The following TSPEAR variants were observed in gnomAD, a reference collection of about 807,000 sequenced individuals.
The protein encoded by TSPEAR is thrombospondin type laminin G domain and EAR repeats.
Under a neutral mutation model 71.6 loss-of-function variants are expected in TSPEAR, and 69 were observed. The observed-to-expected ratio is 0.96, with a 90% CI of 0.79 to 1.18. The LOEUF is 1.18. Ranked by LOEUF, TSPEAR falls within the 50% of genes most tolerant of loss-of-function variation. The probability of loss-of-function intolerance (pLI) is 0.00; values close to 1 mark genes in which losing one functional copy is unlikely to be tolerated. For synonymous variants in TSPEAR, 402 were observed against 387.2 expected (o/e 1.04, Z -0.45); for missense variants, 971 against 894.9 (o/e 1.09, Z -1.09).
intron 1 of TSPEAR, among the ~76,000 whole-genome samples, chr21:44,689,132 C>T (rs1047365575): frequency 1.3e-5 from 2 of 152,104 alleles, no homozygotes; most frequent in South Asian, 2.1e-4. Context: ...GGGAAGCCAG[C>T]GGCACGAAAA....
chr21:44,629,743 C>T (rs1983144453), intron 1 of TSPEAR, among the ~76,000 whole-genome samples: 1 of 152,228 alleles, frequency 6.6e-6, no homozygotes, highest in East Asian at 1.9e-4. Flanking sequence ...GACTCCTTCA[C>T]CTGCTGAACA....
chr21:44,551,463 G>C, intron 2 of TSPEAR: 12 of 1,602,954 alleles, frequency 7.5e-6, no homozygotes, highest in Non-Finnish European at 1.0e-5. Flanking sequence ...GGCCATGCTG[G>C]AGTGGGGAGG....
intron 1 of TSPEAR, among the ~76,000 whole-genome samples, chr21:44,587,024 G>A (rs782201921): frequency 1.3e-5 from 2 of 152,128 alleles, no homozygotes; most frequent in Non-Finnish European, 2.9e-5. Flanking sequence ...ACATAGTACT[G>A]GAAGTCCTAG....
intron 5 of TSPEAR, 116 bp downstream of exon 5, chr21:44,529,682 T>G: frequency 8.4e-7 from 1 of 1,190,142 alleles, no homozygotes; most frequent in Non-Finnish European, 1.2e-6. Flanking sequence ...GTAGCAGTGA[T>G]GAGGGGGGCA....
chr21:44,570,872 G>T (rs190424091), intron 1 of TSPEAR, among the ~76,000 whole-genome samples: 1 of 152,174 alleles, frequency 6.6e-6, no homozygotes, highest in African/African-American at 2.4e-5. Context: ...ACAACACCAC[G>T]TGTTGTTTAT....
chr21:44,518,865 C>T (rs2052669395), intron 9 of TSPEAR: 2 of 359,780 alleles, frequency 5.6e-6, no homozygotes, highest in Admixed American at 3.5e-5. Flanking sequence ...GCAGGGCGCA[C>T]GTTCATGTCA....
intron 1 of TSPEAR, among the ~76,000 whole-genome samples, chr21:44,578,534 T>C (rs1978619919): frequency 6.6e-6 from 1 of 152,032 alleles, no homozygotes. Context: ...TCGGCGAGGG[T>C]GCTAGGGATT....
intron 10 of TSPEAR, 173 bp downstream of exon 10, chr21:44,509,026 A>G (rs587652105): frequency 6.9e-7 from 1 of 1,451,364 alleles, no homozygotes; most frequent in Non-Finnish European, 9.4e-7. Context: ...AGGCCAGGAA[A>G]GTCCCCAGGC....
chr21:44,661,944 A>C (rs1190641356), intron 1 of TSPEAR, among the ~76,000 whole-genome samples: 2 of 152,204 alleles, frequency 1.3e-5, no homozygotes, highest in South Asian at 2.1e-4. Flanking sequence ...ACAATTCAAC[A>C]TGAGATTTGG....
chr21:44,584,702 T>C (rs2146109294), intron 1 of TSPEAR, among the ~76,000 whole-genome samples: 1 of 152,342 alleles, frequency 6.6e-6, no homozygotes, highest in African/African-American at 2.4e-5. Flanking sequence ...CTCTGTCTTC[T>C]TCTGAGCTCT....
At chr21:44,652,984 G>A (rs782709068) in intron 1 of TSPEAR, among the ~76,000 whole-genome samples, 13 of 151,684 alleles carry the variant, frequency 8.6e-5, no homozygotes, top group South Asian at 2.1e-4. Flanking sequence ...GTGAAACCCC[G>A]TCTCTACTAA....
intron 8 of TSPEAR, among the ~76,000 whole-genome samples, chr21:44,523,322 G>A (rs368734457): frequency 5.9e-5 from 9 of 152,010 alleles, no homozygotes; most frequent in African/African-American, 1.9e-4. Flanking sequence ...AGTCAGTCAG[G>A]TAGGTAGTCA....
intron 1 of TSPEAR, among the ~76,000 whole-genome samples, chr21:44,708,055 AC>A (rs1988030231): frequency 2.1e-5 from 3 of 141,372 alleles, no homozygotes; most frequent in Non-Finnish European, 4.6e-5. Context: ...ACCACACAGC[AC>A]GAGGCGACAG....
rs188356841 is a variant in TSPEAR, at chr21:44,539,430, G to A, written c.304-5507C>T. On this transcript the variant is annotated intron_variant, in intron 2 of 11. Coordinates refer to ENST00000323084, the MANE Select transcript of TSPEAR (RefSeq NM_144991.3). ...GAGACAGGCATACAGCAGGCGGGCC[G>A]GCATACAGGGCGGCAGAGGAGGGAC... is the stretch of plus-strand genomic sequence containing the variant. 5.6e-6 allele frequency: 9 copies of A among 1,602,932 alleles called. No individual in the cohort carries two copies. In the Admixed American group the frequency reaches 8.3e-5, roughly 15 times the overall value.
chr21:44,534,652 C>T lies in TSPEAR; in HGVS notation c.304-729G>A, dbSNP rs587668485. On this transcript the variant is annotated intron_variant, in intron 2 of 11. Transcript: ENST00000323084. The stretch of plus-strand genomic sequence containing the variant: ...AACAGAATGTGTTATGCTGGCGACA[C>T]TGTGGAGAAACTGGAACTCTTGCGC... 9.2e-5 allele frequency among the ~76,000 whole-genome samples: 14 copies of T among 152,244 alleles called. 1 individual carries two copies. The South Asian group carries it at 2.9e-3, about 32-fold the overall frequency.
chr21:44,655,328 C>T (rs1985080745), intron 1 of TSPEAR, among the ~76,000 whole-genome samples: 1 of 152,200 alleles, frequency 6.6e-6, no homozygotes, highest in South Asian at 2.1e-4. Context: ...TATACTAGGG[C>T]TTGAAGGTTC....
chr21:44,515,123 T>A (rs2052521837), intron 9 of TSPEAR, among the ~76,000 whole-genome samples: 1 of 152,180 alleles, frequency 6.6e-6, no homozygotes, highest in Non-Finnish European at 1.5e-5. Context: ...AAGCTCACGT[T>A]CATGAAAGAC....
intron 9 of TSPEAR, among the ~76,000 whole-genome samples, chr21:44,513,237 G>A (rs987520804): frequency 6.6e-6 from 1 of 152,320 alleles, no homozygotes; most frequent in Non-Finnish European, 1.5e-5. Flanking sequence ...ATGCCAGGCT[G>A]TCAGAAGCCC....
rs1405087143 is a variant in TSPEAR at position 44,591,567 on chromosome 21, G to A, written c.83-23562C>T. The A allele has an allele frequency of 1.9e-6, 3 of 1,613,432 alleles. No individual in the cohort carries two copies. In the African/African-American group the frequency reaches 4.0e-5, roughly 22 times the overall value. On this transcript the variant is annotated intron_variant, in intron 1 of 11. Coordinates refer to ENST00000323084, the MANE Select transcript of TSPEAR (RefSeq NM_144991.3). ...TGGACTTGCACACAGGGTGGCAGAGGAGGGACACGGAGGAGGAGGATCTGC... is the reference window on the plus strand; with the variant it reads ...TGGACTTGCACACAGGGTGGCAGAGAAGGGACACGGAGGAGGAGGATCTGC...
Sources: gnomAD v4.1 joint callset for allele counts (sites outside exome capture counted in the v4.1 genomes callset) on GRCh38, gnomAD v4.1.1 for gene constraint, MANE v1.5 for transcripts, NCBI Gene and HGNC (gene_info 2026-07-23, HGNC 2026-07-21) for gene names.